Variants in QDPR observed in about 807,000 individuals in gnomAD.
QDPR encodes dihydropteridine reductase.
Under a neutral mutation model 31.7 loss-of-function variants are expected in QDPR, and 23 were observed. The ratio of observed to expected loss-of-function variants is 0.73; its 90% CI spans 0.52 to 1.03. The LOEUF (loss-of-function observed/expected upper bound fraction) is 1.03. Ranked by LOEUF, QDPR falls within the 50% of genes least tolerant of loss-of-function variation. The pLI is 0.00. For synonymous variants in QDPR, 124 were observed against 124.7 expected, an observed-to-expected ratio of 0.99 and a Z score of 0.03; for missense variants, 324 against 323.8, an observed-to-expected ratio of 1.00 and a Z score of 0.00.
chr4:17,511,418 A>T (rs187121564), intron 1 of QDPR, among the ~76,000 whole-genome samples: 1 of 152,232 alleles, frequency 6.6e-6, no homozygotes, highest in Non-Finnish European at 1.5e-5. Context: ...TAATAGTAAC[A>T]TTAATAGACA....
rs1268613116 is a variant in QDPR at position 17,509,345 on chromosome 4, C to T, written c.124G>A (p.Val42Met). ...ARNWWVASVD[V>M]VENEEASASI... is the part of the protein sequence containing the mutation. Reference sequence around the variant, plus strand: ...GCGCTGGCCTCTTCATTCTCCACCACATCAACGCTGGCAACCCACTGGAAG... The same window carrying T: ...GCGCTGGCCTCTTCATTCTCCACCATATCAACGCTGGCAACCCACTGGAAG... The change falls in exon 2 of 7, where the codon GTG (valine) becomes ATG (methionine). Residue 42 changes from valine (V) to methionine (M), a missense_variant. Transcript: ENST00000281243. 1.9e-6 allele frequency: 3 copies of T among 1,613,902 alleles called. No homozygotes were observed. The highest frequency in any genetic ancestry group is 2.5e-6 in the Non-Finnish European group (3 of 1,179,826).
intron 2 of QDPR, 71 bp downstream of exon 2, chr4:17,509,200 A>C: frequency 8.6e-7 from 1 of 1,162,330 alleles, no homozygotes; most frequent in Admixed American, 1.7e-5. Context: ...AGCCAAAGGA[A>C]GAACATACAG....
At chr4:17,491,517 C>T (rs1424816499) in intron 5 of QDPR, among the ~76,000 whole-genome samples, 1 of 152,236 alleles carries the variant, frequency 6.6e-6, no homozygotes, top group Non-Finnish European at 1.5e-5. Context: ...CCAACAGAAA[C>T]ACCTCCAACA....
intron 1 of QDPR, among the ~76,000 whole-genome samples, chr4:17,511,616 G>A (rs1719010747): frequency 6.6e-6 from 1 of 152,092 alleles, no homozygotes; most frequent in Admixed American, 6.5e-5. Flanking sequence ...TCTCATTCTA[G>A]AGCCTTCCTT....
chr4:17,506,098 G>A (rs1037907852), intron 2 of QDPR, among the ~76,000 whole-genome samples: 1 of 152,090 alleles, frequency 6.6e-6, no homozygotes, highest in African/African-American at 2.4e-5. Flanking sequence ...CCCAGGAACC[G>A]CCCTTCCATT....
intron 4 of QDPR, among the ~76,000 whole-genome samples, chr4:17,500,744 T>C (rs1159356165): frequency 6.6e-6 from 1 of 152,130 alleles, no homozygotes; most frequent in African/African-American, 2.4e-5. Context: ...ATACAGGTCA[T>C]AAAAAATGCA....
rs140052019 is a variant in QDPR at position 17,506,509 on chromosome 4, G to A, written c.199-2034C>T. 5.2e-3 allele frequency among the ~76,000 whole-genome samples: 788 copies of A among 152,286 alleles called. 5 individuals are homozygous for A. The highest frequency in any genetic ancestry group is 0.01 in the Middle Eastern group (3 of 294). The stretch of plus-strand genomic sequence containing the variant: ...TAGCATAGCAGTTAAGAGAACAGCC[G>A]TCAGACCCCCACTGCCCATGTCCAA... On this transcript the variant is annotated intron_variant, in intron 2 of 6. Coordinates refer to ENST00000281243, the MANE Select transcript of QDPR (RefSeq NM_000320.3).
chr4:17,511,855 C>T (rs964010190), intron 1 of QDPR, 95 bp downstream of exon 1: 3 of 1,332,426 alleles, frequency 2.3e-6, no homozygotes, highest in South Asian at 1.3e-5. Context: ...TGCACAGGGG[C>T]CCCCACCTTC....
chr4:17,489,803 G>A (rs1260188701), intron 6 of QDPR, among the ~76,000 whole-genome samples: 2 of 152,204 alleles, frequency 1.3e-5, no homozygotes, highest in Non-Finnish European at 2.9e-5. Context: ...AAATGAGATT[G>A]TGACATCAGG....
rs371229754 is a variant in QDPR at position 17,487,076 on chromosome 4, C to A, written c.*55G>T. The A allele has an allele frequency of 9.9e-6, 14 of 1,407,366 alleles. No homozygotes were observed. The highest frequency in any genetic ancestry group is 1.4e-5 in the Non-Finnish European group (14 of 992,888). 87.2% of individuals were successfully genotyped at this position (1,407,366 alleles called of 1,614,324 possible). A position where few individuals can be genotyped will look rare whatever the true frequency, so the allele number is the denominator to read the frequency against. On this transcript the variant is annotated 3_prime_UTR_variant, in exon 7 of 7. Coordinates refer to ENST00000281243, the MANE Select transcript of QDPR (RefSeq NM_000320.3). Reference sequence around the variant, plus strand: ...AAACACAAGGCTGGACAAGGCCACACTGAGACAGGTTAGTGACTTTTCTGG... The same window carrying A: ...AAACACAAGGCTGGACAAGGCCACAATGAGACAGGTTAGTGACTTTTCTGG...
chr4:17,509,801 G>A (rs1718939906), intron 1 of QDPR: 1 of 361,052 alleles, frequency 2.8e-6, no homozygotes, highest in Admixed American at 3.6e-5. Context: ...ACCCTATATT[G>A]GGCTCCATCC....
At chr4:17,492,110 G>A (rs1718184848) in intron 5 of QDPR, 122 bp downstream of exon 5, 1 of 702,164 alleles carries the variant, frequency 1.4e-6, no homozygotes, top group Non-Finnish European at 2.5e-6. Context: ...AGACTTTGGT[G>A]TGTTTCAGAA....
At chr4:17,494,802 T>C (rs927634735) in intron 4 of QDPR, among the ~76,000 whole-genome samples, 3 of 152,192 alleles carry the variant, frequency 2.0e-5, no homozygotes, top group African/African-American at 4.8e-5. Context: ...AACTCCTGTT[T>C]TTCCAGCCAC....
intron 4 of QDPR, among the ~76,000 whole-genome samples, chr4:17,494,255 A>C (rs928997192): frequency 5.3e-5 from 8 of 152,226 alleles, no homozygotes; most frequent in Non-Finnish European, 1.0e-4. Context: ...CAGCTTGAAC[A>C]ATCAGCCTGT....
intron 2 of QDPR, among the ~76,000 whole-genome samples, chr4:17,504,715 A>G (rs1718690939): frequency 6.6e-6 from 1 of 152,164 alleles, no homozygotes; most frequent in South Asian, 2.1e-4. Context: ...ATACATTCTG[A>G]AAGGTAGAGA....
Position 17,509,365 on chromosome 4 carries a change from TG to T in QDPR, c.106-3del. 6.2e-7 allele frequency: 1 copy of T among 1,613,178 alleles called. No homozygotes were observed. The highest frequency in any genetic ancestry group is 2.2e-5 in the East Asian group (1 of 44,850). The stretch of plus-strand genomic sequence containing the variant: ...CACCACATCAACGCTGGCAACCCAC[TG>T]GAAGGAGAAAACAGCTTTGGTTAAG... On this transcript the variant is annotated splice_region_variant and splice_polypyrimidine_tract_variant and intron_variant, in intron 1 of 6. Coordinates refer to ENST00000281243, the MANE Select transcript of QDPR (RefSeq NM_000320.3).
rs781735204 is a variant in QDPR at position 17,511,916 on chromosome 4, G to T, written c.105+34C>A. On this transcript the variant is annotated intron_variant, in intron 1 of 6. Transcript: ENST00000281243. ...CACACGAAAGCCCCCGGCCACCCCC[G>T]CGGAGACCCAGCAGCCCCAGCCCGC... 6.9e-6 allele frequency: 11 copies of T among 1,591,078 alleles called. 1 individual carries two copies. The South Asian group carries it at 1.2e-4, about 18-fold the overall frequency.
intron 4 of QDPR, among the ~76,000 whole-genome samples, chr4:17,497,596 C>G (rs1225081530): frequency 6.6e-6 from 1 of 152,090 alleles, no homozygotes; most frequent in Non-Finnish European, 1.5e-5. Flanking sequence ...ATGTATTACT[C>G]AGACCAATCT....
At chr4:17,488,358 TGA>T (rs1718044113) in intron 6 of QDPR, among the ~76,000 whole-genome samples, 3 of 152,156 alleles carry the variant, frequency 2.0e-5, no homozygotes, top group South Asian at 2.1e-4. Flanking sequence ...CATAAATTTA[TGA>T]GAGAAACAGA....
Sources: gnomAD v4.1 joint callset for allele counts (sites outside exome capture counted in the v4.1 genomes callset) on GRCh38, gnomAD v4.1.1 for gene constraint, MANE v1.5 for transcripts, NCBI Gene and HGNC (gene_info 2026-07-23, HGNC 2026-07-21) for gene names.